The following HCFC2 variants were observed in gnomAD, a reference collection of about 807,000 sequenced individuals.
HCFC2 encodes host cell factor C2.
In HCFC2, 18 loss-of-function variants were observed where a neutral mutation model predicts 89.2. The ratio of observed to expected loss-of-function variants is 0.20; its 90% CI spans 0.14 to 0.30. The LOEUF is 0.30. HCFC2 is among the 10% of genes least tolerant of loss of function. The probability of loss-of-function intolerance (pLI) is 1.00; values close to 1 mark genes in which losing one functional copy is unlikely to be tolerated. For missense variants in HCFC2, 578 were observed against 956.1 expected (o/e 0.60, Z 5.21); for synonymous variants, 308 against 335.7 (o/e 0.92, Z 0.90).
chr12:104,102,894 A>C lies in HCFC2; in HGVS notation c.2065-65A>C, dbSNP rs1032484856. The C allele has an allele frequency of 4.6e-6, 6 of 1,291,350 alleles. No homozygotes were observed. In the African/African-American group the frequency reaches 8.9e-5, roughly 19 times the overall value. The allele number at this position is 1,291,350 out of a possible 1,614,324, so 80.0% of individuals were successfully genotyped here. ...ATTTTGTATTCTAAAGATAGACTCA[A>C]CATAATAAGTGATAACAGAGGAAAC... On this transcript the variant is annotated intron_variant, in intron 14 of 14. Transcript: ENST00000229330.
At chr12:104,073,281 C>T (rs1309155226) in intron 3 of HCFC2, among the ~76,000 whole-genome samples, 1 of 151,618 alleles carries the variant, frequency 6.6e-6, no homozygotes, top group Non-Finnish European at 1.5e-5. Context: ...TCTCCTGCCT[C>T]AGCCTCCCAG....
Position 104,067,933 on chromosome 12 carries a change from C to CTTTT in HCFC2, c.313-6_313-3dup. The CTTTT allele has an allele frequency of 8.4e-7, 1 of 1,184,696 alleles. No homozygotes were observed. Among genetic ancestry groups the CTTTT allele is most frequent in the Non-Finnish European group, 1.2e-6 (1 of 863,412 alleles). The allele number at this position is 1,184,696 out of a possible 1,614,324, so 73.4% of individuals were successfully genotyped here. ...GATTTTGTCTGACTGTATTTGTGCC[C>CTTTT]TTTTTTTTTTTAGGCAAGTCGTTGG... is the stretch of plus-strand genomic sequence containing the variant. On this transcript the variant is annotated splice_polypyrimidine_tract_variant and intron_variant, in intron 2 of 14. Coordinates refer to ENST00000229330, the MANE Select transcript of HCFC2 (RefSeq NM_013320.3).
At chr12:104,094,045 G>GT (rs1289143523) in intron 10 of HCFC2, among the ~76,000 whole-genome samples, 2 of 152,096 alleles carry the variant, frequency 1.3e-5, no homozygotes, top group Non-Finnish European at 2.9e-5. Context: ...ATGACTCCCA[G>GT]TTTTTTGGGT....
intron 7 of HCFC2, 79 bp from the exon 8 acceptor site, chr12:104,086,768 C>A: frequency 7.7e-7 from 1 of 1,293,476 alleles, no homozygotes; most frequent in Non-Finnish European, 1.1e-6. Context: ...GTTTTCAAAG[C>A]TCTGGTCCAC....
At chr12:104,073,417 C>T (rs186853247) in intron 3 of HCFC2, among the ~76,000 whole-genome samples, 2 of 152,090 alleles carry the variant, frequency 1.3e-5, no homozygotes, top group Admixed American at 1.3e-4. Flanking sequence ...CCCGCCTCAG[C>T]CTCCCAAAGT....
intron 9 of HCFC2, among the ~76,000 whole-genome samples, chr12:104,091,371 C>G (rs1254567528): frequency 1.3e-5 from 2 of 152,222 alleles, no homozygotes. Flanking sequence ...ACTGACTGCA[C>G]TGGGCCCTGG....
chr12:104,068,359 TATTAA>T lies in HCFC2; in HGVS notation c.473+258_473+262del, dbSNP rs1477889009. 6.6e-6 allele frequency among the ~76,000 whole-genome samples: 1 copy of T among 152,204 alleles called. No homozygotes were observed. On this transcript the variant is annotated intron_variant, in intron 3 of 14. Transcript: ENST00000229330. This position sits in a 1 kb window ranked among gnomAD's most constrained non-coding sequence, Gnocchi z 4.1. ...GTGTCTTTCTAATGAGAAATCATCT[TATTAA>T]ATTAATATTAATGTAACTGCTTGTA...
chr12:104,070,639 A>T (rs1883291870), intron 3 of HCFC2, among the ~76,000 whole-genome samples: 2 of 152,202 alleles, frequency 1.3e-5, no homozygotes, highest in African/African-American at 4.8e-5. Flanking sequence ...TAGAGTTATC[A>T]ACCATTATGA....
chr12:104,086,429 GATAAA>G (rs1883845597), intron 7 of HCFC2, among the ~76,000 whole-genome samples: 1 of 151,962 alleles, frequency 6.6e-6, no homozygotes, highest in South Asian at 2.1e-4. Flanking sequence ...TTCTAAGAAA[GATAAA>G]ATAATGTAGC....
intron 9 of HCFC2, among the ~76,000 whole-genome samples, chr12:104,091,331 C>T (rs570150955): frequency 1.3e-5 from 2 of 152,290 alleles, no homozygotes; most frequent in East Asian, 3.9e-4. Context: ...AGGCCTCCAG[C>T]GTTTTCTTGT....
At position 104,103,302 on chromosome 12, in the gene HCFC2, T is replaced by C. The variant is rs2030005064; in HGVS notation, c.*29T>C. On this transcript the variant is annotated 3_prime_UTR_variant, in exon 15 of 15. Transcript: ENST00000229330. ...GGTTTTTTTACTGAAGCTATTGTGA[T>C]GATGATTATTTATTAGTAACTGGTT... The C allele has an allele frequency of 6.5e-7, 1 of 1,537,850 alleles. No homozygotes were observed. The highest frequency in any genetic ancestry group is 8.9e-7 in the Non-Finnish European group (1 of 1,122,118).
intron 9 of HCFC2, among the ~76,000 whole-genome samples, chr12:104,088,791 C>T (rs937635029): frequency 2.0e-5 from 3 of 152,066 alleles, no homozygotes; most frequent in Admixed American, 6.6e-5. Context: ...TCATATTAGA[C>T]ATAATATTTC....
chr12:104,088,951 A>G (rs900524719), intron 9 of HCFC2, among the ~76,000 whole-genome samples: 5 of 152,088 alleles, frequency 3.3e-5, no homozygotes, highest in Non-Finnish European at 5.9e-5. Flanking sequence ...TGTTCCCTAG[A>G]AGCAACTACT....
intron 11 of HCFC2, 46 bp from the exon 12 acceptor site, chr12:104,096,314 C>G: frequency 7.7e-7 from 1 of 1,293,504 alleles, no homozygotes. Context: ...TTTAATGTAT[C>G]TGATAAGTTA....
rs1566235669 is a variant in HCFC2, at chr12:104,095,608, T to C, written c.1666+45T>C. ...TACTGTATTTTGAACCATTTATGTA[T>C]ATAAATTCATCAAACTTACTTGTCT... On this transcript the variant is annotated intron_variant, in intron 11 of 14. Transcript: ENST00000229330. The surrounding 1 kb of genome is among the most constrained non-coding windows in gnomAD (Gnocchi z 4.2). The C allele has an allele frequency of 4.2e-6, 6 of 1,442,266 alleles. No individual in the cohort carries two copies. Among genetic ancestry groups the C allele is most frequent in the South Asian group, 1.2e-5 (1 of 82,504 alleles). The allele number at this position is 1,442,266 out of a possible 1,614,324, so 89.3% of individuals were successfully genotyped here. A position where few individuals can be genotyped will look rare whatever the true frequency, so the allele number is the denominator to read the frequency against.
chr12:104,099,650 G>T (rs183979747), intron 13 of HCFC2, among the ~76,000 whole-genome samples: 200 of 152,068 alleles, frequency 1.3e-3, no homozygotes, highest in Middle Eastern at 3.4e-3. Context: ...AATCACTGAG[G>T]TGGAGAGTTT....
intron 3 of HCFC2, among the ~76,000 whole-genome samples, chr12:104,072,274 G>C (rs1883345445): frequency 6.6e-6 from 1 of 151,674 alleles, no homozygotes; most frequent in African/African-American, 2.4e-5. Flanking sequence ...TGGGGGGCCA[G>C]AGCAGGAGGA....
chr12:104,099,230 A>C (rs1261890829), intron 13 of HCFC2, among the ~76,000 whole-genome samples: 1 of 152,082 alleles, frequency 6.6e-6, no homozygotes, highest in Non-Finnish European at 1.5e-5. Flanking sequence ...ATGAGAACTC[A>C]CTATACAATA....
Position 104,082,799 on chromosome 12 carries a change from G to C in HCFC2, c.961G>C (p.Val321Leu). 6.2e-7 allele frequency: 1 copy of C among 1,613,926 alleles called. No homozygotes were observed. Among genetic ancestry groups the C allele is most frequent in the Non-Finnish European group, 8.5e-7 (1 of 1,179,836 alleles). Residue 321 changes from valine (V) to leucine (L), a missense_variant, in exon 7 of 15, where the codon GTT becomes CTT. Coordinates refer to ENST00000229330, the MANE Select transcript of HCFC2 (RefSeq NM_013320.3). Reference sequence around the variant, plus strand: ...AAGACCAAGAGCTGGCCACTGTGCTGTTGCAATCGGCACTCGATTGTATTT... The same window carrying C: ...AAGACCAAGAGCTGGCCACTGTGCTCTTGCAATCGGCACTCGATTGTATTT... ...RPRPRAGHCA[V>L]AIGTRLYFWS...
Sources: gnomAD v4.1 joint callset for allele counts (sites outside exome capture counted in the v4.1 genomes callset) on GRCh38, gnomAD v4.1.1 for gene constraint, Gnocchi (gnomAD v3.1) non-coding constraint, MANE v1.5 for transcripts, NCBI Gene and HGNC (gene_info 2026-07-23, HGNC 2026-07-21) for gene names.